Variants in SPTAN1 observed in about 807,000 individuals in gnomAD.
SPTAN1 encodes the protein spectrin alpha chain, non-erythrocytic 1.
A neutral mutation model predicts 331.3 loss-of-function variants in SPTAN1; 61 were observed. The observed-to-expected ratio is 0.18, with a 90% CI of 0.15 to 0.23. SPTAN1 has a LOEUF of 0.23. SPTAN1 is among the 10% of genes least tolerant of loss of function. The pLI, the probability that SPTAN1 is intolerant of heterozygous loss-of-function variation, is 1.00. For missense variants in SPTAN1, 2,043 were observed against 3,147.9 expected (o/e 0.65, Z 8.40); for synonymous variants, 1,153 against 1,173.9 (o/e 0.98, Z 0.36).
rs753236636 is a variant in SPTAN1, at chr9:128,584,752, A to G, written c.2469A>G (p.Leu823=). 6.8e-6 allele frequency: 11 copies of G among 1,614,174 alleles called. No individual in the cohort carries two copies. Among genetic ancestry groups the G allele is most frequent in the Non-Finnish European group, 9.3e-6 (11 of 1,180,046 alleles). ...ATTTAATTGGGGTCCAGAATCTGCTAAAGAAACATCAAGCCTTACAAGCAG... is the reference window on the plus strand; with the variant it reads ...ATTTAATTGGGGTCCAGAATCTGCTGAAGAAACATCAAGCCTTACAAGCAG... ...GKDLIGVQNL[L]KKHQALQAEI... is the part of the protein sequence containing the mutation. The change falls in exon 18 of 57, where the codon CTA becomes CTG. Residue 823 remains leucine, a synonymous_variant. Transcript: ENST00000372739.
At chr9:128,624,287 C>A (rs1858398551) in intron 45 of SPTAN1, 41 bp from the exon 46 acceptor site, 1 of 1,612,430 alleles carries the variant, frequency 6.2e-7, no homozygotes, top group Non-Finnish European at 8.5e-7. Flanking sequence ...GTAACCACAG[C>A]AGGTAAGGCT....
rs1047927602 is a variant in SPTAN1 at position 128,578,000 on chromosome 9, T to G, written c.1086-110T>G. On this transcript the variant is annotated intron_variant, in intron 8 of 56. Coordinates refer to ENST00000372739, the MANE Select transcript of SPTAN1 (RefSeq NM_001130438.3). This position sits in a 1 kb window ranked among gnomAD's most constrained non-coding sequence, Gnocchi z 4.2. ...TTTCATATTTCCCAGAATTAGAATT[T>G]ATATAGTTTGTTAGACATTTGAGAA... The G allele has an allele frequency of 1.2e-5, 16 of 1,280,076 alleles. No individual in the cohort carries two copies. In the Admixed American group the frequency reaches 2.7e-4, roughly 22 times the overall value. The allele number at this position is 1,280,076 out of a possible 1,614,324, so 79.3% of individuals were successfully genotyped here.
chr9:128,611,765 G>A lies in SPTAN1; in HGVS notation c.4825G>A (p.Asp1609Asn). 1 of 1,614,148 alleles carries A rather than the reference G, an allele frequency of 6.2e-7. No individual in the cohort carries two copies. The highest frequency in any genetic ancestry group is 8.5e-7 in the Non-Finnish European group (1 of 1,180,040). ...TGAAGCAGAGCTGCATGCCAACGCT[G>A]ACCGGATCCGTGGGGTTATCGACAT... ...AFEAELHANA[D>N]RIRGVIDMGN... Residue 1609 changes from aspartate to asparagine, a missense_variant, in exon 38 of 57, where the codon GAC (aspartate) becomes AAC (asparagine). This residue lies in a region of SPTAN1 where 323 missense variants were observed against 581.1 expected (regional missense o/e 0.56). Transcript: ENST00000372739.
chr9:128,572,216 C>G (rs1177630040), intron 3 of SPTAN1, among the ~76,000 whole-genome samples: 1 of 152,170 alleles, frequency 6.6e-6, no homozygotes, highest in African/African-American at 2.4e-5. Flanking sequence ...CTTAATGTTT[C>G]CACCATCTGC....
chr9:128,582,370 A>T (rs1006359050), intron 12 of SPTAN1, 109 bp from the exon 13 acceptor site: 3 of 946,032 alleles, frequency 3.2e-6, no homozygotes, highest in Admixed American at 1.9e-5. Flanking sequence ...ACCTTGACCT[A>T]TGTTAAAGTT....
Position 128,594,332 on chromosome 9 carries a change from C to G in SPTAN1, c.3373C>G (p.Gln1125Glu). The stretch of plus-strand genomic sequence containing the variant: ...TGAGGAGGTCGGAGCAGACTTGGAG[C>G]AGGTTGAGGTGCTCCAGAAGAAGTT... ...TSEEVGADLE[Q>E]VEVLQKKFDD... The change falls in exon 24 of 57, where the codon CAG becomes GAG. Residue 1125 changes from glutamine (Q) to glutamate (E), a missense_variant. This residue lies in a region of SPTAN1 where 1,038 missense variants were observed against 1,531.5 expected (regional missense o/e 0.68). Coordinates refer to ENST00000372739, the MANE Select transcript of SPTAN1 (RefSeq NM_001130438.3). The G allele has an allele frequency of 6.2e-7, 1 of 1,613,520 alleles. No individual in the cohort carries two copies. The highest frequency in any genetic ancestry group is 8.5e-7 in the Non-Finnish European group (1 of 1,179,930).
intron 36 of SPTAN1, 151 bp downstream of exon 36, chr9:128,609,435 G>C: frequency 7.8e-7 from 1 of 1,284,284 alleles, no homozygotes; most frequent in Non-Finnish European, 1.1e-6. Flanking sequence ...GAAAGCCCTA[G>C]TCAAGTTTCA....
intron 1 of SPTAN1, chr9:128,555,284 C>A: frequency 9.0e-7 from 1 of 1,112,186 alleles, no homozygotes; most frequent in Non-Finnish European, 1.2e-6. Flanking sequence ...AATCTGTTTT[C>A]TTCATGATTT....
rs145283248 is a variant in SPTAN1, at chr9:128,626,045, G to C, written c.6279+67G>C. 6.3e-4 allele frequency: 985 copies of C among 1,570,638 alleles called. 5 individuals are homozygous for C. In the African/African-American group the frequency reaches 0.011, roughly 18 times the overall value. On this transcript the variant is annotated intron_variant, in intron 48 of 56. Transcript: ENST00000372739. ...AAGGAAGGACGCCCACCTTCTGTCT[G>C]CCCAGCTCTGCCACTCCCCCTTGAG...
In SPTAN1 at chr9:128,627,505, G is replaced by A; in HGVS notation, c.6689+7G>A. ...AGTGGATCCAAGAGACCAGGTGCCA[G>A]CCCGCTGGGGCCGGGGAGCAGCAGC... On this transcript the variant is annotated splice_region_variant and intron_variant, in intron 50 of 56. Coordinates refer to ENST00000372739, the MANE Select transcript of SPTAN1 (RefSeq NM_001130438.3). The surrounding 1 kb of genome is among the most constrained non-coding windows in gnomAD (Gnocchi z 4.9). The A allele has an allele frequency of 6.5e-7, 1 of 1,549,668 alleles. No individual in the cohort carries two copies. Among genetic ancestry groups the A allele is most frequent in the Non-Finnish European group, 8.7e-7 (1 of 1,145,808 alleles).
chr9:128,574,130 T>C (rs1248993629), intron 3 of SPTAN1, among the ~76,000 whole-genome samples: 2 of 152,166 alleles, frequency 1.3e-5, no homozygotes, highest in African/African-American at 4.8e-5. Flanking sequence ...ATAAGACCTC[T>C]TCTTTTGTTT....
At chr9:128,561,961 T>G (rs75593228) in intron 1 of SPTAN1, among the ~76,000 whole-genome samples, 1 of 152,056 alleles carries the variant, frequency 6.6e-6, no homozygotes, top group Non-Finnish European at 1.5e-5. Context: ...AAAGGACTTA[T>G]GAATGTGGTA....
chr9:128,582,033 AC>A, intron 12 of SPTAN1, 141 bp downstream of exon 12: 1 of 718,810 alleles, frequency 1.4e-6, no homozygotes, highest in Non-Finnish European at 2.5e-6. Flanking sequence ...CACAAGGATG[AC>A]ATGCTATCTC....
In SPTAN1 at chr9:128,628,218, G is replaced by A; in HGVS notation, c.6707+276G>A. On this transcript the variant is annotated intron_variant, in intron 51 of 56. Coordinates refer to ENST00000372739, the MANE Select transcript of SPTAN1 (RefSeq NM_001130438.3). ...CACTTTGGGTAGGGAAGGTGATGAA[G>A]CACGAAGGCCAGAGCTGGAGTCCAG... is the stretch of plus-strand genomic sequence containing the variant. The A allele has an allele frequency of 4.9e-6, 3 of 617,488 alleles. 1 individual carries two copies. The Middle Eastern group carries it at 7.7e-4, about 159-fold the overall frequency. 38.3% of individuals were successfully genotyped at this position (617,488 alleles called of 1,614,324 possible).
At chr9:128,563,249 G>A (rs1226880646) in intron 1 of SPTAN1, among the ~76,000 whole-genome samples, 1 of 151,120 alleles carries the variant, frequency 6.6e-6, no homozygotes, top group African/African-American at 2.4e-5. Flanking sequence ...AACCACACCT[G>A]TACAAAAAAT....
At chr9:128,593,173 C>A in intron 23 of SPTAN1, 131 bp downstream of exon 23, 1 of 1,006,348 alleles carries the variant, frequency 9.9e-7, no homozygotes, top group Non-Finnish European at 1.5e-6. Context: ...CCTGTCCGTG[C>A]AGCAGCTTTG....
intron 30 of SPTAN1, 49 bp from the exon 31 acceptor site, chr9:128,605,242 TTCTGC>T: frequency 6.2e-7 from 1 of 1,613,982 alleles, no homozygotes; most frequent in Non-Finnish European, 8.5e-7. Context: ...GAGTCTTCTG[TTCTGC>T]AGAGCATACC....
intron 1 of SPTAN1, chr9:128,553,451 G>T (rs1417919204): frequency 1.3e-5 from 2 of 152,140 alleles, no homozygotes; most frequent in African/African-American, 4.8e-5. Flanking sequence ...CCTGGGACTG[G>T]GTCTTTCGAG....
At chr9:128,600,226 C>T in intron 27 of SPTAN1, 111 bp downstream of exon 27, 1 of 1,240,706 alleles carries the variant, frequency 8.1e-7, no homozygotes, top group African/African-American at 1.5e-5. Context: ...TTAGTCATTT[C>T]TGGACTTGTT....
Sources: allele counts gnomAD v4.1 joint callset (sites outside exome capture counted in the v4.1 genomes callset), GRCh38; gene constraint gnomAD v4.1.1; regional missense constraint gnomAD v4.1.1; non-coding constraint Gnocchi (gnomAD v3.1); transcripts MANE v1.5; gene names NCBI Gene and HGNC (gene_info 2026-07-23, HGNC 2026-07-21).